ZDHHC7: variants seen among roughly 807,000 people sequenced by gnomAD.
ZDHHC7 encodes palmitoyltransferase ZDHHC7.
Under a neutral mutation model 34.1 loss-of-function variants are expected in ZDHHC7, and 12 were observed. The observed-to-expected ratio is 0.35, with a 90% CI of 0.23 to 0.57. The LOEUF is 0.57. Ranked by LOEUF, ZDHHC7 falls within the 20% of genes least tolerant of loss-of-function variation. The pLI, the probability that ZDHHC7 is intolerant of heterozygous loss-of-function variation, is 0.84. For synonymous variants in ZDHHC7, 185 were observed against 155.4 expected, an observed-to-expected ratio of 1.19 and a Z score of -1.42; for missense variants, 388 against 402.7, an observed-to-expected ratio of 0.96 and a Z score of 0.31.
Position 84,976,613 on chromosome 16 carries a change from G to A in ZDHHC7, c.751-94C>T, listed in dbSNP as rs551856449. The A allele has an allele frequency of 1.3e-4, 197 of 1,487,298 alleles. 1 individual carries two copies. The Middle Eastern group carries it at 1.4e-3, about 11-fold the overall frequency. 92.1% of individuals were successfully genotyped at this position (1,487,298 alleles called of 1,614,324 possible). On this transcript the variant is annotated intron_variant, in intron 7 of 7. Coordinates refer to ENST00000313732, the MANE Select transcript of ZDHHC7 (RefSeq NM_017740.3). Reference sequence around the variant, plus strand: ...ATCACACCGTGCTCAAGCACAGTGTGGGCTCGATGGAGGGTAGGTGAGTGA... The same window carrying A: ...ATCACACCGTGCTCAAGCACAGTGTAGGCTCGATGGAGGGTAGGTGAGTGA...
the ZDHHC7 span, among the ~76,000 whole-genome samples, chr16:85,021,385 C>T: frequency 4.2e-4 from 56 of 132,234 alleles, no homozygotes; most frequent in African/African-American, 1.7e-3. Flanking sequence ...GCACTCCAGC[C>T]TGGTGACAGA....
At chr16:85,012,951 T>C (rs1350912697), upstream of ZDHHC7, among the ~76,000 whole-genome samples, 1 of 152,002 alleles carries the variant, frequency 6.6e-6, no homozygotes, top group Non-Finnish European at 1.5e-5. Flanking sequence ...CCGCAAAATA[T>C]GCCTCTTCGA....
chr16:85,008,771 C>A (rs59841878), intron 1 of ZDHHC7, among the ~76,000 whole-genome samples: 24,126 of 151,562 alleles, frequency 0.16, 2,428 homozygotes, highest in Admixed American at 0.28. Flanking sequence ...AAGGGTCAGG[C>A]ACAGTGGCTC....
chr16:84,981,574 CAG>C (rs1472549481), intron 4 of ZDHHC7, among the ~76,000 whole-genome samples: 1 of 152,204 alleles, frequency 6.6e-6, no homozygotes, highest in Non-Finnish European at 1.5e-5. Flanking sequence ...TGTGCCACAA[CAG>C]AGGCGGGAAC....
intron 2 of ZDHHC7, among the ~76,000 whole-genome samples, chr16:84,993,729 C>T (rs1423228484): frequency 1.3e-5 from 2 of 152,162 alleles, no homozygotes; most frequent in Admixed American, 6.5e-5. Context: ...AGAATTTGGA[C>T]AGACCCCTTA....
At chr16:84,998,982 T>A (rs2072620291) in intron 1 of ZDHHC7, among the ~76,000 whole-genome samples, 1 of 152,150 alleles carries the variant, frequency 6.6e-6, no homozygotes, top group South Asian at 2.1e-4. Context: ...CTCGAACTCC[T>A]GACCTCAGGT....
At chr16:85,022,076 C>T in the ZDHHC7 span, among the ~76,000 whole-genome samples, 2 of 151,068 alleles carry the variant, frequency 1.3e-5, no homozygotes, top group Admixed American at 1.3e-4. Context: ...AGGAGAATGG[C>T]GTGAACCCGG....
rs368061482 is a variant in ZDHHC7, at chr16:84,987,090, AG to A, written c.315+3213del. Among the ~76,000 whole-genome samples, 69 of 152,340 alleles carry A rather than the reference AG, an allele frequency of 4.5e-4. No homozygotes were observed. The East Asian group carries it at 0.013, about 28-fold the overall frequency. On this transcript the variant is annotated intron_variant, in intron 3 of 7. Transcript: ENST00000313732. Reference sequence around the variant, plus strand: ...GACTCAGAGAGACAGACAAAGCCTGAGGACAGCTGCCAGCCTCTCCCCTCTG... The same window carrying A: ...GACTCAGAGAGACAGACAAAGCCTGAGACAGCTGCCAGCCTCTCCCCTCTG...
rs533178024 is a variant in ZDHHC7 at position 85,004,590 on chromosome 16, T to C, written c.-104+6696A>G. On this transcript the variant is annotated intron_variant, in intron 1 of 7. Transcript: ENST00000313732. ...AGAAAGCCCCACTCCATCTGGAGCC[T>C]GCTGGCCTCCCTTCCTAGCAGCCTC... Among the ~76,000 whole-genome samples, 5 of 118,546 alleles carry C rather than the reference T, an allele frequency of 4.2e-5. No homozygotes were observed. The South Asian group carries it at 1.4e-3, about 34-fold the overall frequency. The allele number at this position is 118,546 out of a possible 152,430, so 77.8% of individuals were successfully genotyped here. A position where few individuals can be genotyped will look rare whatever the true frequency, so the allele number is the denominator to read the frequency against.
rs560021481 is a variant in ZDHHC7 at position 84,974,443 on chromosome 16, G to C, written c.*1900C>G. Reference sequence around the variant, plus strand: ...GAAAACACCACCATCCAGGAAGAACGGGCGCTTTGGAAGCCATTTGAGAAC... The same window carrying C: ...GAAAACACCACCATCCAGGAAGAACCGGCGCTTTGGAAGCCATTTGAGAAC... On this transcript the variant is annotated 3_prime_UTR_variant, in exon 8 of 8. Coordinates refer to ENST00000313732, the MANE Select transcript of ZDHHC7 (RefSeq NM_017740.3). 1 of 152,158 alleles carries C rather than the reference G, an allele frequency of 6.6e-6. No individual in the cohort carries two copies. Among genetic ancestry groups the C allele is most frequent in the Non-Finnish European group, 1.5e-5 (1 of 68,032 alleles). 9.4% of individuals were successfully genotyped at this position (152,158 alleles called of 1,614,324 possible). A position where few individuals can be genotyped will look rare whatever the true frequency, so the allele number is the denominator to read the frequency against.
At chr16:85,023,291 G>A in the ZDHHC7 span, among the ~76,000 whole-genome samples, 6 of 150,904 alleles carry the variant, frequency 4.0e-5, no homozygotes, top group Admixed American at 2.0e-4. Flanking sequence ...CTCCACCTCC[G>A]GAGTAGCTGG....
At chr16:85,013,357 C>T (rs972851690), upstream of ZDHHC7, among the ~76,000 whole-genome samples, 1 of 151,918 alleles carries the variant, frequency 6.6e-6, no homozygotes, top group Non-Finnish European at 1.5e-5. Context: ...ATTCTCCTGC[C>T]TCAACCTCCT....
At chr16:84,991,960 G>A (rs933195872) in intron 2 of ZDHHC7, among the ~76,000 whole-genome samples, 1 of 151,970 alleles carries the variant, frequency 6.6e-6, no homozygotes, top group African/African-American at 2.4e-5. Context: ...AGCACTTTGG[G>A]AGGTCAGGAG....
rs2072790745 is a variant in ZDHHC7, at chr16:85,011,440, G to A, written c.-258C>T. 6.6e-6 allele frequency: 1 copy of A among 151,996 alleles called. No individual in the cohort carries two copies. The highest frequency in any genetic ancestry group is 2.4e-5 in the African/African-American group (1 of 41,406). 9.4% of individuals were successfully genotyped at this position (151,996 alleles called of 1,614,324 possible). A position where few individuals can be genotyped will look rare whatever the true frequency, so the allele number is the denominator to read the frequency against. The stretch of plus-strand genomic sequence containing the variant: ...GCGGCTCGGCTCGGCTTGGTCCCCT[G>A]GGTCCCGCCGGGCAGGTCGGAAGGA... On this transcript the variant is annotated 5_prime_UTR_variant, in exon 1 of 8. Coordinates refer to ENST00000313732, the MANE Select transcript of ZDHHC7 (RefSeq NM_017740.3).
chr16:85,009,713 T>C (rs949228399), intron 1 of ZDHHC7, among the ~76,000 whole-genome samples: 10 of 144,416 alleles, frequency 6.9e-5, no homozygotes, highest in African/African-American at 2.7e-4. Flanking sequence ...TTTTTTCTTT[T>C]TTTTTTTTTT....
At chr16:84,979,319 T>C (rs1426149015) in intron 4 of ZDHHC7, 34 bp from the exon 5 acceptor site, 2 of 1,599,038 alleles carry the variant, frequency 1.3e-6, no homozygotes, top group South Asian at 1.1e-5. Flanking sequence ...CAGTATTCCA[T>C]GCTCTGAGGA....
chr16:85,021,343 C>T, the ZDHHC7 span, among the ~76,000 whole-genome samples: 98 of 140,074 alleles, frequency 7.0e-4, no homozygotes, highest in African/African-American at 2.5e-3. Context: ...ACCCAGGAGG[C>T]GGAGATTGCA....
chr16:85,026,768 T>C, the ZDHHC7 span, among the ~76,000 whole-genome samples: 5 of 152,090 alleles, frequency 3.3e-5, no homozygotes, highest in Admixed American at 3.3e-4. Context: ...TCACTGCATT[T>C]CTTTAGAGAC....
intron 3 of ZDHHC7, 132 bp downstream of exon 3, chr16:84,990,172 C>T: frequency 2.7e-6 from 3 of 1,097,534 alleles, no homozygotes; most frequent in South Asian, 3.2e-5. Flanking sequence ...CCAAAATGAG[C>T]TCAATCCACC....
Sources: gnomAD v4.1 joint callset for allele counts (sites outside exome capture counted in the v4.1 genomes callset) on GRCh38, gnomAD v4.1.1 for gene constraint, MANE v1.5 for transcripts, NCBI Gene and HGNC (gene_info 2026-07-23, HGNC 2026-07-21) for gene names.